TTC17: variants seen among roughly 807,000 people sequenced by gnomAD.
TTC17 encodes the protein tetratricopeptide repeat domain 17.
Under a neutral mutation model 143.8 loss-of-function variants are expected in TTC17, and 58 were observed. The ratio of observed to expected loss-of-function variants is 0.40; its 90% CI spans 0.33 to 0.50. The LOEUF (loss-of-function observed/expected upper bound fraction) is 0.50, where lower values mean the gene tolerates loss of function less well. TTC17 is among the 20% of genes least tolerant of loss of function. The pLI, the probability that TTC17 is intolerant of heterozygous loss-of-function variation, is 0.49. For synonymous variants in TTC17, 501 were observed against 497.8 expected (o/e 1.01, Z -0.09); for missense variants, 1,273 against 1,392.5 (o/e 0.91, Z 1.37).
Position 43,494,094 on chromosome 11 carries a change from T to G in TTC17, c.*190T>G. The G allele has an allele frequency of 1.5e-6, 1 of 678,980 alleles. No homozygotes were observed. Among genetic ancestry groups the G allele is most frequent in the Non-Finnish European group, 2.3e-6 (1 of 439,052 alleles). The allele number at this position is 678,980 out of a possible 1,614,324, so 42.1% of individuals were successfully genotyped here. On this transcript the variant is annotated 3_prime_UTR_variant, in exon 24 of 24. Coordinates refer to ENST00000039989, the MANE Select transcript of TTC17 (RefSeq NM_018259.6). ...CGTTTCTCCTTTCCCCCAACCAACC[T>G]CAGAAGAGGCACCTTCAGAAACACA...
At chr11:43,452,235 C>T (rs1195199999) in intron 21 of TTC17, among the ~76,000 whole-genome samples, 1 of 152,202 alleles carries the variant, frequency 6.6e-6, no homozygotes, top group African/African-American at 2.4e-5. Flanking sequence ...CCCGGTGGCT[C>T]ACACCTGTAA....
intron 1 of TTC17, chr11:43,359,342 T>TCGCGGGC (rs1386378760): frequency 3.0e-5 from 15 of 501,184 alleles, no homozygotes; most frequent in Middle Eastern, 5.4e-4. Context: ...CCCTTCCACC[T>TCGCGGGC]CGCGGGCCGC....
At chr11:43,441,358 G>A (rs1404263348) in intron 16 of TTC17, among the ~76,000 whole-genome samples, 5 of 150,682 alleles carry the variant, frequency 3.3e-5, no homozygotes, top group South Asian at 2.1e-4. Context: ...CAGGTAGTCC[G>A]CCTTTCTCTA....
In TTC17 at chr11:43,382,438, G is replaced by T. The variant is rs188658496; in HGVS notation, c.249+3116G>T. Among the ~76,000 whole-genome samples the T allele has an allele frequency of 2.0e-5, 3 of 152,240 alleles. No homozygotes were observed. The East Asian group carries it at 5.8e-4, about 29-fold the overall frequency. ...AAATTAATAATATGTAGTTGGGTTG[G>T]AGTATGTTCAGTAATTAAAGCATGT... On this transcript the variant is annotated intron_variant, in intron 2 of 23. Transcript: ENST00000039989.
rs80297773 is a variant in TTC17, at chr11:43,426,202, T to C, written c.2251+11426T>C. Among the ~76,000 whole-genome samples the C allele has an allele frequency of 6.2e-3, 937 of 152,280 alleles. 12 individuals are homozygous for C. Among genetic ancestry groups the C allele is most frequent in the African/African-American group, 0.021 (885 of 41,542 alleles). ...CTAATATGAACAAATTAATAATCAA[T>C]TCACCACCCCTCTCACAGTACACTG... On this transcript the variant is annotated intron_variant, in intron 16 of 23. Transcript: ENST00000039989.
intron 2 of TTC17, among the ~76,000 whole-genome samples, chr11:43,384,872 A>G (rs1445780049): frequency 6.6e-6 from 1 of 152,200 alleles, no homozygotes; most frequent in Non-Finnish European, 1.5e-5. Context: ...ATTTTTTTAA[A>G]GCTTTAGGTT....
At position 43,494,192 on chromosome 11, in the gene TTC17, T is replaced by A. The variant is rs1325609676; in HGVS notation, c.*288T>A. 2 of 239,906 alleles carry A rather than the reference T, an allele frequency of 8.3e-6. No homozygotes were observed. The highest frequency in any genetic ancestry group is 4.6e-5 in the African/African-American group (2 of 43,948). The allele number at this position is 239,906 out of a possible 1,614,324, so 14.9% of individuals were successfully genotyped here. ...AGCCAAGACATTTCTGGAGCTGTGC[T>A]CTGTCTCCAAAAACCTCAATGCCTT... On this transcript the variant is annotated 3_prime_UTR_variant, in exon 24 of 24. Transcript: ENST00000039989.
chr11:43,372,368 T>A (rs1856600313), intron 1 of TTC17, among the ~76,000 whole-genome samples: 1 of 151,750 alleles, frequency 6.6e-6, no homozygotes, highest in Non-Finnish European at 1.5e-5. Context: ...AGTGGCATGA[T>A]CTCCTTTCAC....
At chr11:43,399,101 C>T (rs981673051) in intron 8 of TTC17, among the ~76,000 whole-genome samples, 4 of 152,096 alleles carry the variant, frequency 2.6e-5, no homozygotes, top group African/African-American at 7.2e-5. Context: ...ATATTCCTTT[C>T]GAAGCATAGT....
chr11:43,385,130 C>A (rs1857122368), intron 2 of TTC17, among the ~76,000 whole-genome samples: 1 of 152,064 alleles, frequency 6.6e-6, no homozygotes, highest in South Asian at 2.1e-4. Context: ...TTATCAGAAA[C>A]TGATAAGTCC....
chr11:43,397,122 G>T, intron 6 of TTC17: 1 of 505,724 alleles, frequency 2.0e-6, no homozygotes, highest in Non-Finnish European at 3.4e-6. Flanking sequence ...GCAAATATAA[G>T]CCCTAAATAA....
Position 43,404,030 on chromosome 11 carries a change from G to A in TTC17, c.1365G>A (p.Met455Ile). The change falls in exon 11 of 24, where the codon ATG (methionine) becomes ATA (isoleucine). Residue 455 changes from methionine to isoleucine, a missense_variant. Around this residue, in one of 3 missense-constraint regions of TTC17, gnomAD observed 878 missense variants for 899.8 expected, o/e 0.98. Coordinates refer to ENST00000039989, the MANE Select transcript of TTC17 (RefSeq NM_018259.6). ...AGGATTCATCAACCTCCAGTATGATGTCTGTGAACTTTGATGTTCAATCAA... is the reference window on the plus strand; with the variant it reads ...AGGATTCATCAACCTCCAGTATGATATCTGTGAACTTTGATGTTCAATCAA... ...FGEDSSTSSM[M>I]SVNFDVQSNQ... is the part of the protein sequence containing the mutation. The A allele has an allele frequency of 6.2e-7, 1 of 1,611,938 alleles. No homozygotes were observed. Among genetic ancestry groups the A allele is most frequent in the Non-Finnish European group, 8.5e-7 (1 of 1,178,992 alleles).
chr11:43,405,501 GTTTC>G lies in TTC17; in HGVS notation c.1480-9_1480-6del, dbSNP rs781247774. The G allele has an allele frequency of 5.6e-6, 9 of 1,596,956 alleles. No individual in the cohort carries two copies. The highest frequency in any genetic ancestry group is 1.1e-5 in the South Asian group (1 of 89,336). The stretch of plus-strand genomic sequence containing the variant: ...TCCAAAGAAATTTATGAGAAATTTT[GTTTC>G]TTTATCAGGACAAACAGCATATTCT... On this transcript the variant is annotated splice_polypyrimidine_tract_variant and intron_variant, in intron 11 of 23. Coordinates refer to ENST00000039989, the MANE Select transcript of TTC17 (RefSeq NM_018259.6).
At chr11:43,450,282 A>G (rs1427319303) in intron 20 of TTC17, 41 bp downstream of exon 20, 1 of 1,589,136 alleles carries the variant, frequency 6.3e-7, no homozygotes, top group Non-Finnish European at 8.6e-7. Flanking sequence ...TTAGCCTCAC[A>G]GTTAGGATGC....
intron 1 of TTC17, among the ~76,000 whole-genome samples, chr11:43,365,225 C>T (rs1856286554): frequency 6.6e-6 from 1 of 152,160 alleles, no homozygotes; most frequent in South Asian, 2.1e-4. Context: ...CACAACCTCC[C>T]TAGTACCTGG....
intron 16 of TTC17, among the ~76,000 whole-genome samples, chr11:43,434,696 G>A (rs1374709099): frequency 1.3e-5 from 2 of 152,088 alleles, no homozygotes; most frequent in Non-Finnish European, 2.9e-5. Flanking sequence ...CACTTATTTG[G>A]AACAAGTATT....
At chr11:43,435,890 A>G (rs1009570850) in intron 16 of TTC17, among the ~76,000 whole-genome samples, 13 of 152,244 alleles carry the variant, frequency 8.5e-5, no homozygotes, top group Admixed American at 4.6e-4. Context: ...GAATGGAACA[A>G]GGTCTTGGGG....
chr11:43,470,312 G>T (rs1948068461), intron 21 of TTC17, among the ~76,000 whole-genome samples: 2 of 152,154 alleles, frequency 1.3e-5, no homozygotes, highest in African/African-American at 4.8e-5. Context: ...CGCATTTTCT[G>T]CCAAGTGTCA....
At chr11:43,386,235 A>G (rs1857164850) in intron 2 of TTC17, among the ~76,000 whole-genome samples, 1 of 152,198 alleles carries the variant, frequency 6.6e-6, no homozygotes, top group South Asian at 2.1e-4. Context: ...TTTTACTAAA[A>G]AAAAATATTG....
Sources: gnomAD v4.1 joint callset for allele counts (sites outside exome capture counted in the v4.1 genomes callset) on GRCh38, gnomAD v4.1.1 for gene constraint, gnomAD v4.1.1 regional missense constraint, MANE v1.5 for transcripts, NCBI Gene and HGNC (gene_info 2026-07-23, HGNC 2026-07-21) for gene names.